SNX8: variants seen among roughly 807,000 people sequenced by gnomAD.
The protein encoded by SNX8 is sorting nexin 8, also known as sorting nexin-8.
A neutral mutation model predicts 51.6 loss-of-function variants in SNX8; 25 were observed. That is an observed-to-expected ratio of 0.48 (90% confidence interval 0.35 to 0.68). The LOEUF (loss-of-function observed/expected upper bound fraction) is 0.68. Among genes scored for constraint, SNX8 ranks in the 30% least tolerant of loss-of-function variants. The pLI is 0.00. For missense variants in SNX8, 695 were observed against 624.0 expected (o/e 1.11, Z -1.21); for synonymous variants, 324 against 277.0 (o/e 1.17, Z -1.68).
intron 1 of SNX8, among the ~76,000 whole-genome samples, chr7:2,305,715 C>T (rs1411861532): frequency 6.6e-6 from 1 of 151,918 alleles, no homozygotes; most frequent in Non-Finnish European, 1.5e-5. Context: ...ACAGAAAGGA[C>T]TATAAAACTT....
intron 1 of SNX8, chr7:2,288,202 G>C (rs1479893111): frequency 6.6e-6 from 1 of 152,032 alleles, no homozygotes; most frequent in Non-Finnish European, 1.5e-5. Context: ...AAATTGGCCA[G>C]GCAGGGTGGT....
At chr7:2,290,509 A>C (rs1796127315) in intron 1 of SNX8, among the ~76,000 whole-genome samples, 1 of 151,820 alleles carries the variant, frequency 6.6e-6, no homozygotes, top group African/African-American at 2.4e-5. Context: ...GTCTCAAAAA[A>C]TAAAGAAAAG....
chr7:2,343,001 G>A (rs1778961246), intron 1 of SNX8, among the ~76,000 whole-genome samples: 1 of 151,738 alleles, frequency 6.6e-6, no homozygotes, highest in Non-Finnish European at 1.5e-5. Context: ...TACCGTATTG[G>A]TCAGGCTGGT....
chr7:2,331,561 C>G (rs971290729), intron 1 of SNX8, among the ~76,000 whole-genome samples: 1 of 151,756 alleles, frequency 6.6e-6, no homozygotes, highest in Non-Finnish European at 1.5e-5. Context: ...AAAAATTAGC[C>G]GGGCGTGGTG....
chr7:2,344,342 T>A (rs1778983954), intron 1 of SNX8, among the ~76,000 whole-genome samples: 2 of 152,032 alleles, frequency 1.3e-5, no homozygotes, highest in South Asian at 4.1e-4. Flanking sequence ...TTATAGACAG[T>A]GGCTCACACC....
chr7:2,336,814 A>G (rs894111458), intron 1 of SNX8, among the ~76,000 whole-genome samples: 2 of 150,736 alleles, frequency 1.3e-5, no homozygotes, highest in Admixed American at 1.3e-4. Flanking sequence ...CGAGAGTAGC[A>G]TGGCCAACAT....
At chr7:2,291,863 T>G (rs1562442060) in intron 1 of SNX8, among the ~76,000 whole-genome samples, 1 of 152,004 alleles carries the variant, frequency 6.6e-6, no homozygotes, top group Non-Finnish European at 1.5e-5. Flanking sequence ...AAACAAACAC[T>G]CCCTTAGAGA....
intron 1 of SNX8, among the ~76,000 whole-genome samples, chr7:2,326,498 T>C (rs769154530): frequency 2.0e-4 from 30 of 151,706 alleles, no homozygotes; most frequent in Non-Finnish European, 3.8e-4. Flanking sequence ...ACCCCGTCTC[T>C]ACTAAAAATA....
At position 2,264,378 on chromosome 7, in the gene SNX8, C is replaced by A; in HGVS notation, c.702G>T (p.Lys234Asn). Reference protein sequence around the residue: ...LIRNIYNSFHKLRDRAERIAS... With the variant: ...LIRNIYNSFHNLRDRAERIAS... ...CGATCCGCTCGGCCCTGTCGCGAAG[C>A]TTGTGAAAGCTATTGTAGATGTTCC... Residue 234 changes from lysine (K) to asparagine (N), a missense_variant, in exon 6 of 11, where the codon AAG becomes AAT. Coordinates refer to ENST00000222990, the MANE Select transcript of SNX8 (RefSeq NM_013321.4). 3 of 1,612,994 alleles carry A rather than the reference C, an allele frequency of 1.9e-6. No individual in the cohort carries two copies. Among genetic ancestry groups the A allele is most frequent in the Non-Finnish European group, 2.5e-6 (3 of 1,180,002 alleles).
intron 1 of SNX8, among the ~76,000 whole-genome samples, chr7:2,313,786 G>C (rs576323762): frequency 7.9e-5 from 12 of 152,330 alleles, no homozygotes; most frequent in African/African-American, 2.9e-4. Context: ...ACTTGAAAGA[G>C]AGAGAAAAGC....
chr7:2,304,360 G>T (rs372697500), intron 1 of SNX8, among the ~76,000 whole-genome samples: 77 of 149,690 alleles, frequency 5.1e-4, no homozygotes, highest in African/African-American at 8.1e-4. Flanking sequence ...CTGGCTAACA[G>T]GGTGAAACCC....
intron 2 of SNX8, among the ~76,000 whole-genome samples, chr7:2,277,341 T>A (rs1190781693): frequency 6.6e-6 from 1 of 152,296 alleles, no homozygotes; most frequent in Non-Finnish European, 1.5e-5. Context: ...TAAAGGGGAT[T>A]AGAGTGACAC....
Position 2,257,367 on chromosome 7 carries a change from C to T in SNX8, c.1132G>A (p.Glu378Lys). The change falls in exon 9 of 11, where the codon GAG becomes AAG. Residue 378 changes from glutamate to lysine, a missense_variant and splice_region_variant. Coordinates refer to ENST00000222990, the MANE Select transcript of SNX8 (RefSeq NM_013321.4). The part of the protein sequence containing the change: ...SVEQLESRIV[E>K]QENAIQTMEL... ...TGCTCGGCCGCCCCGCCACCCACCT[C>T]CACAATGCGGGACTCCAGCTGCTCC... The T allele has an allele frequency of 1.2e-6, 2 of 1,605,810 alleles. No homozygotes were observed. The highest frequency in any genetic ancestry group is 1.7e-6 in the Non-Finnish European group (2 of 1,179,106).
intron 1 of SNX8, among the ~76,000 whole-genome samples, chr7:2,329,553 C>T (rs1168133943): frequency 6.6e-6 from 1 of 152,144 alleles, no homozygotes; most frequent in Non-Finnish European, 1.5e-5. Context: ...CTCCTGGTCT[C>T]CTTTTGCCTG....
At chr7:2,318,673 C>T (rs1445814740), upstream of SNX8, among the ~76,000 whole-genome samples, 5 of 149,096 alleles carry the variant, frequency 3.4e-5, no homozygotes, top group Admixed American at 6.7e-5. Context: ...CCAGCTTGGG[C>T]GAAAACAGGG....
intron 5 of SNX8, among the ~76,000 whole-genome samples, chr7:2,266,640 C>T (rs758128335): frequency 2.0e-5 from 3 of 152,062 alleles, no homozygotes; most frequent in Non-Finnish European, 4.4e-5. Context: ...CCACCACGCC[C>T]GGCCGGTTTT....
chr7:2,288,883 A>G (rs1404941959), intron 1 of SNX8, among the ~76,000 whole-genome samples: 2 of 152,088 alleles, frequency 1.3e-5, no homozygotes, highest in Admixed American at 6.6e-5. Context: ...CCACAGGCAC[A>G]TGCCACCACA....
In SNX8 at chr7:2,278,302, A is replaced by G. The variant is rs1352439224; in HGVS notation, c.98T>C (p.Leu33Pro). ...GGGCTCGATGGCCTGGGGTGTCGGCAGATCTGCAGGGGAGATGGTGAATGA... is the reference window on the plus strand; with the variant it reads ...GGGCTCGATGGCCTGGGGTGTCGGCGGATCTGCAGGGGAGATGGTGAATGA... Reference protein sequence around the residue: ...DEEADPPASDLPTPQAIEPQA... With the variant: ...DEEADPPASDPPTPQAIEPQA... Residue 33 changes from leucine to proline, a missense_variant, in exon 2 of 11, where the codon CTG (leucine) becomes CCG (proline). By Grantham distance (98) the Leu-to-Pro change is moderately conservative (BLOSUM62 -3). Transcript: ENST00000222990. 1 of 1,549,836 alleles carries G rather than the reference A, an allele frequency of 6.5e-7. No homozygotes were observed. The highest frequency in any genetic ancestry group is 8.8e-7 in the Non-Finnish European group (1 of 1,132,532).
intron 2 of SNX8, 82 bp from the exon 3 acceptor site, chr7:2,275,311 A>T: frequency 1.1e-6 from 1 of 903,020 alleles, no homozygotes; most frequent in Non-Finnish European, 1.9e-6. Flanking sequence ...GCCCGGGAAA[A>T]CGACAGCACC....
Sources: allele counts gnomAD v4.1 joint callset (sites outside exome capture counted in the v4.1 genomes callset), GRCh38; gene constraint gnomAD v4.1.1; transcripts MANE v1.5; gene names NCBI Gene and HGNC (gene_info 2026-07-23, HGNC 2026-07-21).